DCDC1: variants seen among roughly 807,000 people sequenced by gnomAD.
The protein encoded by DCDC1 is doublecortin domain containing 1.
DCDC1 carries 200 observed loss-of-function variants against 178.3 expected under a neutral mutation model. The ratio of observed to expected loss-of-function variants is 1.12; its 90% CI spans 1.00 to 1.26. DCDC1 has a LOEUF of 1.26. Ranked by LOEUF, DCDC1 falls within the 50% of genes most tolerant of loss-of-function variation. DCDC1 has a pLI of 0.00. For missense variants in DCDC1, 1,983 were observed against 1,749.2 expected (o/e 1.13, Z -2.38); for synonymous variants, 690 against 604.8 (o/e 1.14, Z -2.07).
At chr11:31,113,166 G>A (rs189257737) in intron 11 of DCDC1, among the ~76,000 whole-genome samples, 79 of 152,226 alleles carry the variant, frequency 5.2e-4, no homozygotes, top group East Asian at 2.1e-3. Flanking sequence ...AAGCTGACAC[G>A]TAGCAAAAAC....
chr11:31,307,567 A>G, intron 4 of DCDC1, 72 bp downstream of exon 4: 1 of 1,547,376 alleles, frequency 6.5e-7, no homozygotes, highest in East Asian at 2.3e-5. Context: ...GTCAATTGAA[A>G]CATTATAAAC....
intron 8 of DCDC1, among the ~76,000 whole-genome samples, chr11:31,252,618 G>T (rs1267207038): frequency 8.6e-5 from 13 of 151,986 alleles, no homozygotes; most frequent in Admixed American, 8.5e-4. Context: ...GAGGAATACT[G>T]AAATAACTAG....
Position 31,341,426 on chromosome 11 carries a change from G to GATAGATAGATAGATAGATAC in DCDC1, c.-124-5863_-124-5862insGTATCTATCTATCTATCTAT, listed in dbSNP as rs1555184035. Among the ~76,000 whole-genome samples, 126 of 151,342 alleles carry GATAGATAGATAGATAGATAC rather than the reference G, an allele frequency of 8.3e-4. 3 individuals are homozygous for GATAGATAGATAGATAGATAC. The highest frequency in any genetic ancestry group is 3.4e-3 in the Middle Eastern group (1 of 294). ...AGATAGATAGATAGATAGATAGATAGATAGATAGATAGACATGTGTTGCTT... is the reference window on the plus strand; with the variant it reads ...AGATAGATAGATAGATAGATAGATAGATAGATAGATAGATAGATACATAGATAGATAGACATGTGTTGCTT... On this transcript the variant is annotated intron_variant, in intron 1 of 38. Transcript: ENST00000684477.
At chr11:31,327,054 A>G (rs1949684332) in intron 3 of DCDC1, among the ~76,000 whole-genome samples, 1 of 152,126 alleles carries the variant, frequency 6.6e-6, no homozygotes, top group African/African-American at 2.4e-5. Context: ...CTTTATTACT[A>G]CTTACTAGTT....
At chr11:30,944,959 C>CTTTTTTTTT (rs34334567) in intron 21 of DCDC1, among the ~76,000 whole-genome samples, 3 of 65,518 alleles carry the variant, frequency 4.6e-5, no homozygotes, top group African/African-American at 6.3e-5. Flanking sequence ...ACAAAAATGT[C>CTTTTTTTTT]TTTTTTTTTT....
intron 37 of DCDC1, among the ~76,000 whole-genome samples, chr11:30,880,435 A>G (rs273614): frequency 0.59 from 90,175 of 152,036 alleles, 28,173 homozygotes; most frequent in Middle Eastern, 0.77. Flanking sequence ...GTTTGCCTAC[A>G]TTACATACAA....
chr11:31,007,285 G>A (rs1307213537), intron 20 of DCDC1, among the ~76,000 whole-genome samples: 1 of 152,184 alleles, frequency 6.6e-6, no homozygotes, highest in Non-Finnish European at 1.5e-5. Flanking sequence ...AGATGAAGCA[G>A]GACCTCAGAT....
In DCDC1 at chr11:31,310,307, G is replaced by T. The variant is rs1356084284; in HGVS notation, c.165-2399C>A. Among the ~76,000 whole-genome samples the T allele has an allele frequency of 8.9e-3, 567 of 63,872 alleles. 52 individuals are homozygous for T. Among genetic ancestry groups the T allele is most frequent in the African/African-American group, 0.047 (446 of 9,458 alleles). 41.9% of individuals were successfully genotyped at this position (63,872 alleles called of 152,430 possible). A position where few individuals can be genotyped will look rare whatever the true frequency, so the allele number is the denominator to read the frequency against. On this transcript the variant is annotated intron_variant, in intron 3 of 38. Transcript: ENST00000684477. ...TGAGGACAGGTTTTCAGTAATTCTTGATTTTTTTTTTTTTTTTTTTTTTTT... is the reference window on the plus strand; with the variant it reads ...TGAGGACAGGTTTTCAGTAATTCTTTATTTTTTTTTTTTTTTTTTTTTTTT...
chr11:30,991,543 T>G (rs1486607616), intron 20 of DCDC1, among the ~76,000 whole-genome samples: 2 of 152,168 alleles, frequency 1.3e-5, no homozygotes, highest in Non-Finnish European at 2.9e-5. Context: ...TTAAACTAGA[T>G]GTTTATTTAG....
At chr11:31,235,339 T>C (rs1976319286) in intron 9 of DCDC1, among the ~76,000 whole-genome samples, 1 of 151,852 alleles carries the variant, frequency 6.6e-6, no homozygotes, top group Non-Finnish European at 1.5e-5. Context: ...TCAGGGAAAC[T>C]TAAAGTGCCT....
At chr11:31,224,168 CT>C (rs1342879392) in intron 9 of DCDC1, among the ~76,000 whole-genome samples, 1 of 152,032 alleles carries the variant, frequency 6.6e-6, no homozygotes, top group Non-Finnish European at 1.5e-5. Context: ...AATTAAAACT[CT>C]TTTTCTTCCC....
At chr11:31,065,597 T>C (rs1432744461) in intron 18 of DCDC1, among the ~76,000 whole-genome samples, 1 of 152,168 alleles carries the variant, frequency 6.6e-6, no homozygotes, top group East Asian at 1.9e-4. Context: ...ATAGATAAGA[T>C]AGTAACCTGA....
chr11:31,347,373 T>A (rs2133268312), intron 1 of DCDC1, among the ~76,000 whole-genome samples: 1 of 152,270 alleles, frequency 6.6e-6, no homozygotes, highest in African/African-American at 2.4e-5. Flanking sequence ...AATGCATTAG[T>A]TCAAAATCCC....
intron 7 of DCDC1, among the ~76,000 whole-genome samples, chr11:31,268,002 C>T (rs1280751347): frequency 6.6e-6 from 1 of 152,152 alleles, no homozygotes; most frequent in Admixed American, 6.5e-5. Flanking sequence ...TGCTCCTTAG[C>T]CAATCATGTC....
chr11:31,306,260 G>A lies in DCDC1; in HGVS notation c.563C>T (p.Ala188Val). Residue 188 changes from alanine (A) to valine (V), a missense_variant, in exon 5 of 39, where the codon GCC (alanine) becomes GTC (valine). Physicochemically the swap from Ala to Val is moderately conservative, Grantham distance 64. Transcript: ENST00000684477. ...GGTGATGGTTGGTACAGTAACTCTG[G>A]CAAAGACTGTTCTAGATCCATTTTT... ...AYKNGSRTVF[A>V]RVTVPTITLL... The A allele has an allele frequency of 1.3e-6, 2 of 1,598,246 alleles. No homozygotes were observed. Among genetic ancestry groups the A allele is most frequent in the Non-Finnish European group, 8.5e-7 (1 of 1,172,158 alleles).
intron 20 of DCDC1, among the ~76,000 whole-genome samples, chr11:31,004,613 C>T (rs1445979753): frequency 2.1e-5 from 3 of 143,400 alleles, no homozygotes; most frequent in South Asian, 2.2e-4. Flanking sequence ...TCCCGGGAGG[C>T]GGAGCTTGCA....
At chr11:31,201,488 C>G (rs1186899814) in intron 9 of DCDC1, among the ~76,000 whole-genome samples, 1 of 151,830 alleles carries the variant, frequency 6.6e-6, no homozygotes, top group East Asian at 1.9e-4. Flanking sequence ...AAGAAAATGT[C>G]ACAATATTCA....
chr11:30,993,968 A>G (rs1027709024), intron 20 of DCDC1, among the ~76,000 whole-genome samples: 3 of 152,146 alleles, frequency 2.0e-5, no homozygotes, highest in Non-Finnish European at 4.4e-5. Context: ...CATTATCCCA[A>G]TATTAAACCC....
chr11:31,158,014 A>G (rs1965904030), intron 9 of DCDC1, among the ~76,000 whole-genome samples: 1 of 152,170 alleles, frequency 6.6e-6, no homozygotes, highest in African/African-American at 2.4e-5. Context: ...CCCATGCATT[A>G]TCTCATATAT....
Sources: gnomAD v4.1 joint callset for allele counts (sites outside exome capture counted in the v4.1 genomes callset) on GRCh38, gnomAD v4.1.1 for gene constraint, MANE v1.5 for transcripts, NCBI Gene and HGNC (gene_info 2026-07-23, HGNC 2026-07-21) for gene names.